The following DCDC2 variants were observed in gnomAD, a reference collection of about 807,000 sequenced individuals.
DCDC2 encodes the protein doublecortin domain-containing protein 2.
A neutral mutation model predicts 50.2 loss-of-function variants in DCDC2; 40 were observed. The ratio of observed to expected loss-of-function variants is 0.80; its 90% CI spans 0.62 to 1.04. The LOEUF (loss-of-function observed/expected upper bound fraction) is 1.04, where lower values mean the gene tolerates loss of function less well. Among genes scored for constraint, DCDC2 ranks in the 50% least tolerant of loss-of-function variants. The probability of loss-of-function intolerance (pLI) is 0.00; values close to 1 mark genes in which losing one functional copy is unlikely to be tolerated. For synonymous variants in DCDC2, 234 were observed against 210.6 expected, an observed-to-expected ratio of 1.11 and a Z score of -0.96; for missense variants, 570 against 581.9, an observed-to-expected ratio of 0.98 and a Z score of 0.21.
chr6:24,300,225 A>AC (rs1759342935), intron 4 of DCDC2, among the ~76,000 whole-genome samples: 1 of 151,738 alleles, frequency 6.6e-6, no homozygotes, highest in Admixed American at 6.6e-5. Context: ...TCTAATCTCT[A>AC]CAAAAAAGAA....
intron 8 of DCDC2, among the ~76,000 whole-genome samples, chr6:24,203,342 A>G (rs1196563272): frequency 6.6e-6 from 1 of 152,182 alleles, no homozygotes; most frequent in East Asian, 1.9e-4. Context: ...CACATCTACA[A>G]CCATCTGATC....
At chr6:24,241,812 A>T (rs111964638) in intron 7 of DCDC2, among the ~76,000 whole-genome samples, 2 of 152,188 alleles carry the variant, frequency 1.3e-5, no homozygotes, top group African/African-American at 4.8e-5. Context: ...AGTAGAATAT[A>T]TGAATAGAAT....
rs1760810264 is a variant in DCDC2, at chr6:24,172,742, C to T, written c.*1988G>A. 6.6e-6 allele frequency: 1 copy of T among 151,972 alleles called. No homozygotes were observed. The highest frequency in any genetic ancestry group is 2.4e-5 in the African/African-American group (1 of 41,374). The allele number at this position is 151,972 out of a possible 1,614,324, so 9.4% of individuals were successfully genotyped here. On this transcript the variant is annotated 3_prime_UTR_variant, in exon 10 of 10. Coordinates refer to ENST00000378454, the MANE Select transcript of DCDC2 (RefSeq NM_016356.5). ...GGTGCTGTGGCTCACACCTGTAATC[C>T]CAGCATTTTGGGATGCAAAGGCGGG...
intron 7 of DCDC2, among the ~76,000 whole-genome samples, chr6:24,207,256 TTCTCTC>T (rs60603298): frequency 0.017 from 2,196 of 129,674 alleles, 22 homozygotes; most frequent in Middle Eastern, 0.05. Flanking sequence ...CCATCTATCT[TTCTCTC>T]TCTCTCTCTC....
At chr6:24,327,894 A>G (rs1466745564) in intron 2 of DCDC2, among the ~76,000 whole-genome samples, 4 of 152,200 alleles carry the variant, frequency 2.6e-5, no homozygotes, top group Non-Finnish European at 4.4e-5. Flanking sequence ...TGCATTTGCT[A>G]GTCTCTGCTT....
intron 8 of DCDC2, among the ~76,000 whole-genome samples, chr6:24,195,048 C>CAA (rs1187785555): frequency 2.6e-5 from 4 of 152,068 alleles, no homozygotes; most frequent in Non-Finnish European, 5.9e-5. Flanking sequence ...CATACACATG[C>CAA]AAATACCCCT....
At chr6:24,249,063 C>T (rs1035887252) in intron 7 of DCDC2, among the ~76,000 whole-genome samples, 8 of 152,218 alleles carry the variant, frequency 5.3e-5, no homozygotes, top group Non-Finnish European at 1.0e-4. Flanking sequence ...GTTCCTTCTA[C>T]TTTGATTTCT....
At chr6:24,262,144 C>T (rs1763025301) in intron 7 of DCDC2, among the ~76,000 whole-genome samples, 2 of 147,320 alleles carry the variant, frequency 1.4e-5, no homozygotes, top group Non-Finnish European at 3.0e-5. Flanking sequence ...CCAGCAGCAG[C>T]CTCGTGACAC....
At chr6:24,281,841 T>C (rs1414752311) in intron 6 of DCDC2, among the ~76,000 whole-genome samples, 1 of 152,174 alleles carries the variant, frequency 6.6e-6, no homozygotes, top group Non-Finnish European at 1.5e-5. Flanking sequence ...ATGCTACATA[T>C]ACATTAACAC....
At chr6:24,254,504 C>G (rs1196936741) in intron 7 of DCDC2, among the ~76,000 whole-genome samples, 1 of 152,122 alleles carries the variant, frequency 6.6e-6, no homozygotes, top group African/African-American at 2.4e-5. Flanking sequence ...AATTTTTCAT[C>G]TCCATTGTAA....
intron 8 of DCDC2, among the ~76,000 whole-genome samples, chr6:24,195,502 A>G (rs1338715343): frequency 3.3e-5 from 5 of 152,190 alleles, no homozygotes; most frequent in African/African-American, 4.8e-5. Context: ...ATAGGGAGAC[A>G]TTGTCTTTAT....
intron 6 of DCDC2, among the ~76,000 whole-genome samples, chr6:24,279,764 A>T (rs1763432813): frequency 6.6e-6 from 1 of 152,216 alleles, no homozygotes; most frequent in Non-Finnish European, 1.5e-5. Flanking sequence ...CACTGAACAC[A>T]GGGACCATGC....
chr6:24,257,128 T>C (rs1307267369), intron 7 of DCDC2, among the ~76,000 whole-genome samples: 1 of 152,196 alleles, frequency 6.6e-6, no homozygotes, highest in Non-Finnish European at 1.5e-5. Flanking sequence ...TGCCTCAACA[T>C]TGTGGCAGAG....
Position 24,326,194 on chromosome 6 carries a change from A to AAGGAAGG in DCDC2, c.349-24151_349-24150insCCTTCCT, listed in dbSNP as rs1187620964. ...GGAAGGAAGGAAGGAAGGAAGGAAG[A>AAGGAAGG]AAGGAAGGAAGGAAAGAATGAAGGA... On this transcript the variant is annotated intron_variant, in intron 2 of 9. Transcript: ENST00000378454. Among the ~76,000 whole-genome samples, 19 of 72,414 alleles carry AAGGAAGG rather than the reference A, an allele frequency of 2.6e-4. 1 individual carries two copies. The highest frequency in any genetic ancestry group is 5.9e-4 in the Non-Finnish European group (16 of 27,178). The allele number at this position is 72,414 out of a possible 152,430, so 47.5% of individuals were successfully genotyped here.
chr6:24,265,771 A>G (rs1254571775), intron 7 of DCDC2, among the ~76,000 whole-genome samples: 1 of 152,046 alleles, frequency 6.6e-6, no homozygotes, highest in East Asian at 1.9e-4. Context: ...TACTAAGAGG[A>G]AAGTTGATAG....
the DCDC2 span, among the ~76,000 whole-genome samples, chr6:24,369,921 G>A: frequency 1.3e-5 from 2 of 150,818 alleles, no homozygotes; most frequent in Non-Finnish European, 3.0e-5. Context: ...GCATGCCTGT[G>A]GTCCCAGCTA....
rs1404289553 is a variant in DCDC2 at position 24,326,856 on chromosome 6, C to T, written c.349-24812G>A. Among the ~76,000 whole-genome samples, 4 of 139,216 alleles carry T rather than the reference C, an allele frequency of 2.9e-5. 1 individual carries two copies. The East Asian group carries it at 9.9e-4, about 34-fold the overall frequency. The allele number at this position is 139,216 out of a possible 152,430, so 91.3% of individuals were successfully genotyped here. On this transcript the variant is annotated intron_variant, in intron 2 of 9. Coordinates refer to ENST00000378454, the MANE Select transcript of DCDC2 (RefSeq NM_016356.5). ...CCTGGGTGACAGAGCGAGACCCTGTCTCAAAAAAAAAAAAAAAATGCATAA... is the reference window on the plus strand; with the variant it reads ...CCTGGGTGACAGAGCGAGACCCTGTTTCAAAAAAAAAAAAAAAATGCATAA...
At chr6:24,328,850 C>T (rs959524297) in intron 2 of DCDC2, among the ~76,000 whole-genome samples, 1 of 152,172 alleles carries the variant, frequency 6.6e-6, no homozygotes, top group African/African-American at 2.4e-5. Context: ...GGACAACAAG[C>T]TCTTCCTTGG....
chr6:24,274,297 T>C (rs1262329487), intron 7 of DCDC2, among the ~76,000 whole-genome samples: 1 of 152,102 alleles, frequency 6.6e-6, no homozygotes, highest in African/African-American at 2.4e-5. Context: ...TCATCCAAAA[T>C]GCTATTTCAA....
Sources: gnomAD v4.1 joint callset for allele counts (sites outside exome capture counted in the v4.1 genomes callset) on GRCh38, gnomAD v4.1.1 for gene constraint, MANE v1.5 for transcripts, NCBI Gene and HGNC (gene_info 2026-07-23, HGNC 2026-07-21) for gene names.